ITPR2: variants seen among roughly 807,000 people sequenced by gnomAD.
The protein encoded by ITPR2 is inositol 1,4,5-trisphosphate-gated calcium channel ITPR2.
A neutral mutation model predicts 317.1 loss-of-function variants in ITPR2; 207 were observed. That is an observed-to-expected ratio of 0.65 (90% CI 0.58 to 0.73). ITPR2 has a LOEUF of 0.73. Ranked by LOEUF, ITPR2 falls within the 30% of genes least tolerant of loss-of-function variation. The pLI is 0.00. For synonymous variants in ITPR2, 1,156 were observed against 1,149.1 expected (o/e 1.01, Z -0.12); for missense variants, 2,613 against 3,284.0 (o/e 0.80, Z 4.99).
intron 55 of ITPR2, among the ~76,000 whole-genome samples, chr12:26,355,930 A>AT (rs1938624551): frequency 1.3e-5 from 2 of 152,198 alleles, no homozygotes; most frequent in African/African-American, 4.8e-5. Context: ...TTGCATTCAG[A>AT]CTAAACTTTC....
intron 52 of ITPR2, among the ~76,000 whole-genome samples, chr12:26,404,235 C>T (rs755298639): frequency 4.6e-5 from 7 of 152,160 alleles, no homozygotes; most frequent in Non-Finnish European, 7.4e-5. Context: ...TTAAATACAA[C>T]TCTGAGGCCT....
At chr12:26,432,340 G>C (rs1941233775) in intron 48 of ITPR2, among the ~76,000 whole-genome samples, 1 of 152,108 alleles carries the variant, frequency 6.6e-6, no homozygotes, top group South Asian at 2.1e-4. Context: ...CTCATTTGGG[G>C]TTTGTCTGAA....
chr12:26,362,544 T>C (rs1938867578), intron 55 of ITPR2, among the ~76,000 whole-genome samples: 1 of 152,194 alleles, frequency 6.6e-6, no homozygotes, highest in South Asian at 2.1e-4. Flanking sequence ...TCACTGCTAC[T>C]TTCAGTTAGT....
intron 34 of ITPR2, among the ~76,000 whole-genome samples, chr12:26,578,177 T>TCC (rs1491060483): frequency 1.4e-5 from 2 of 142,632 alleles, no homozygotes; most frequent in African/African-American, 2.5e-5. Flanking sequence ...ATTAACTTTC[T>TCC]CTCTCTCTCT....
At chr12:26,826,056 A>G (rs574632750) in intron 1 of ITPR2, among the ~76,000 whole-genome samples, 6 of 152,314 alleles carry the variant, frequency 3.9e-5, no homozygotes, top group Admixed American at 1.3e-4. Context: ...CAAAAATAAA[A>G]GTTAACTATA....
intron 48 of ITPR2, among the ~76,000 whole-genome samples, chr12:26,435,487 C>T (rs1376196631): frequency 3.3e-5 from 5 of 152,074 alleles, no homozygotes; most frequent in African/African-American, 1.2e-4. Context: ...ATGCCCATTC[C>T]AAAGTTATTT....
At chr12:26,592,040 A>G (rs1945722641) in intron 32 of ITPR2, among the ~76,000 whole-genome samples, 1 of 150,488 alleles carries the variant, frequency 6.6e-6, no homozygotes, top group Non-Finnish European at 1.5e-5. Flanking sequence ...AATGTGGTAC[A>G]TATACACAAC....
intron 34 of ITPR2, among the ~76,000 whole-genome samples, chr12:26,568,012 A>ATATATATATATTATATATAT (rs1945052484): frequency 1.2e-4 from 1 of 8,078 alleles, no homozygotes; most frequent in African/African-American, 2.7e-4. Flanking sequence ...TATATTATAT[A>ATATATATATATTATATATAT]TATATATATA....
At chr12:26,637,089 C>G (rs1946880579) in intron 21 of ITPR2, among the ~76,000 whole-genome samples, 1 of 152,180 alleles carries the variant, frequency 6.6e-6, no homozygotes, top group African/African-American at 2.4e-5. Context: ...TCTTACCCAA[C>G]CAGCTTTTAT....
intron 1 of ITPR2, among the ~76,000 whole-genome samples, chr12:26,829,546 T>C (rs950390985): frequency 3.3e-5 from 5 of 152,252 alleles, no homozygotes; most frequent in Admixed American, 3.3e-4. Flanking sequence ...CTCCGTCTGT[T>C]GCCCAGGCTG....
chr12:26,734,281 T>A (rs1017828323), intron 2 of ITPR2, among the ~76,000 whole-genome samples: 1 of 152,166 alleles, frequency 6.6e-6, no homozygotes, highest in Non-Finnish European at 1.5e-5. Flanking sequence ...ATTCATGAAA[T>A]TAAAACTTTA....
chr12:26,633,365 C>A (rs1465398563), intron 21 of ITPR2, among the ~76,000 whole-genome samples: 1 of 152,140 alleles, frequency 6.6e-6, no homozygotes, highest in Non-Finnish European at 1.5e-5. Flanking sequence ...TATATGGAAT[C>A]AATTTAAGTG....
chr12:26,404,603 G>A (rs191075505), intron 52 of ITPR2, among the ~76,000 whole-genome samples: 35 of 152,264 alleles, frequency 2.3e-4, no homozygotes, highest in Non-Finnish European at 2.4e-4. Context: ...GAAATTAAAG[G>A]AGAGAGGGTC....
chr12:26,424,399 T>G (rs1287188402), intron 49 of ITPR2, among the ~76,000 whole-genome samples: 1 of 152,158 alleles, frequency 6.6e-6, no homozygotes, highest in East Asian at 1.9e-4. Context: ...GTTTTAGCAC[T>G]TATAGTTTCA....
Position 26,657,878 on chromosome 12 carries a change from T to A in ITPR2, c.2021A>T (p.Gln674Leu). The A allele has an allele frequency of 1.2e-6, 2 of 1,613,930 alleles. No individual in the cohort carries two copies. The highest frequency in any genetic ancestry group is 1.7e-6 in the Non-Finnish European group (2 of 1,179,898). Reference protein sequence around the residue: ...ILIQTKVVSMQADNPMESSIL... With the variant: ...ILIQTKVVSMLADNPMESSIL... The stretch of plus-strand genomic sequence containing the variant: ...GGAGCTCTCCATGGGGTTGTCTGCT[T>A]GCATTGAGACCACCCTTCAAATAAA... The change falls in exon 18 of 57, where the codon CAA becomes CTA. Residue 674 changes from glutamine to leucine, a missense_variant. Physicochemically the swap from Gln to Leu is moderately radical, Grantham distance 113. Coordinates refer to ENST00000381340, the MANE Select transcript of ITPR2 (RefSeq NM_002223.4).
chr12:26,531,397 C>A (rs1468261877), intron 37 of ITPR2, among the ~76,000 whole-genome samples: 1 of 152,172 alleles, frequency 6.6e-6, no homozygotes, highest in African/African-American at 2.4e-5. Flanking sequence ...GTGTAATAAA[C>A]TGGAGCAGAA....
chr12:26,555,917 G>T (rs775660469), intron 36 of ITPR2, among the ~76,000 whole-genome samples: 3 of 152,184 alleles, frequency 2.0e-5, no homozygotes. Context: ...CTTTAAACAA[G>T]AATTTTTTTA....
chr12:26,596,584 C>T (rs1591943502), intron 31 of ITPR2, among the ~76,000 whole-genome samples: 2 of 148,882 alleles, frequency 1.3e-5, no homozygotes, highest in South Asian at 4.2e-4. Context: ...GAGGTGGAGG[C>T]TGCAGTGAGT....
chr12:26,628,081 T>C lies in ITPR2; in HGVS notation c.3016A>G (p.Asn1006Asp), dbSNP rs200520221. 1.6e-4 allele frequency: 266 copies of C among 1,613,452 alleles called. 1 individual carries two copies. In the African/African-American group the frequency reaches 3.3e-3, roughly 20 times the overall value. ...YKKEFGEDNDNAETSASGSPD... is the reference protein window; with the variant it reads ...YKKEFGEDNDDAETSASGSPD... The stretch of plus-strand genomic sequence containing the variant: ...GATCCACTGGCAGATGTCTCCGCAT[T>C]GTCATTGTCCTCTCCAAACTCCTTC... The change falls in exon 23 of 57, where the codon AAT (asparagine) becomes GAT (aspartate). Residue 1006 changes from asparagine (N) to aspartate (D), a missense_variant. By Grantham distance (23) the Asn-to-Asp change is conservative (BLOSUM62 1). Transcript: ENST00000381340.
Sources: allele counts gnomAD v4.1 joint callset (sites outside exome capture counted in the v4.1 genomes callset), GRCh38; gene constraint gnomAD v4.1.1; transcripts MANE v1.5; gene names NCBI Gene and HGNC (gene_info 2026-07-23, HGNC 2026-07-21).